HDGFL3: variants seen among roughly 807,000 people sequenced by gnomAD.
The protein encoded by HDGFL3 is hepatoma-derived growth factor-related protein 3.
A neutral mutation model predicts 27.6 loss-of-function variants in HDGFL3; 6 were observed. That is an observed-to-expected ratio of 0.22 (90% CI 0.12 to 0.43). The LOEUF is 0.43. Among genes scored for constraint, HDGFL3 ranks in the 20% least tolerant of loss-of-function variants. The pLI is 1.00. For synonymous variants in HDGFL3, 88 were observed against 88.9 expected (o/e 0.99, Z 0.05); for missense variants, 207 against 250.1 (o/e 0.83, Z 1.16).
At chr15:83,192,903 G>T (rs960182765) in intron 1 of HDGFL3, among the ~76,000 whole-genome samples, 1 of 151,980 alleles carries the variant, frequency 6.6e-6, no homozygotes, top group Non-Finnish European at 1.5e-5. Flanking sequence ...CTCATTTAAG[G>T]ACAGGCCTGG....
intron 5 of HDGFL3, among the ~76,000 whole-genome samples, chr15:83,149,119 T>G (rs1333090658): frequency 1.3e-5 from 2 of 152,186 alleles, no homozygotes; most frequent in African/African-American, 4.8e-5. Flanking sequence ...TTACTAGCTG[T>G]GTGATCCTAG....
chr15:83,124,350 C>T (rs188094378), downstream of HDGFL3, among the ~76,000 whole-genome samples: 7 of 152,064 alleles, frequency 4.6e-5, no homozygotes, highest in South Asian at 4.2e-4. Flanking sequence ...AGTATACCAA[C>T]GGTTAATAGT....
intron 3 of HDGFL3, chr15:83,121,905 G>A (rs190032138): frequency 2.5e-6 from 4 of 1,569,016 alleles, no homozygotes; most frequent in Non-Finnish European, 3.5e-6. Flanking sequence ...AGATTTTTTT[G>A]TTGTTGTTGT....
In HDGFL3 at chr15:83,136,302, TA is replaced by T. The variant is rs1310491076; in HGVS notation, c.*2967del. On this transcript the variant is annotated 3_prime_UTR_variant, in exon 6 of 6. Transcript: ENST00000299633. The stretch of plus-strand genomic sequence containing the variant: ...AATGGCCCTAAATTTAATCAAGGAC[TA>T]AATTTAATGAAAGACTCTGACATTA... 1 of 458,728 alleles carries T rather than the reference TA, an allele frequency of 2.2e-6. No individual in the cohort carries two copies. The highest frequency in any genetic ancestry group is 3.8e-6 in the Non-Finnish European group (1 of 261,238). The allele number at this position is 458,728 out of a possible 1,614,324, so 28.4% of individuals were successfully genotyped here.
At position 83,150,259 on chromosome 15, in the gene HDGFL3, T is replaced by A. The variant is rs28536574; in HGVS notation, c.606+956A>T. ...CCTGACATAAAGGTAGCAGGTCGAATAGAAAGAAAATCAAGTGAGCCAGGT... is the reference window on the plus strand; with the variant it reads ...CCTGACATAAAGGTAGCAGGTCGAAAAGAAAGAAAATCAAGTGAGCCAGGT... On this transcript the variant is annotated intron_variant, in intron 5 of 5. Coordinates refer to ENST00000299633, the MANE Select transcript of HDGFL3 (RefSeq NM_016073.4). Among the ~76,000 whole-genome samples, 1,233 of 152,252 alleles carry A rather than the reference T, an allele frequency of 8.1e-3. 16 individuals are homozygous for A. The highest frequency in any genetic ancestry group is 0.028 in the African/African-American group (1,143 of 41,540).
Position 83,131,594 on chromosome 15 carries a change from C to T in HDGFL3, c.*7676G>A, listed in dbSNP as rs976072760. 1 of 152,524 alleles carries T rather than the reference C, an allele frequency of 6.6e-6. No individual in the cohort carries two copies. The highest frequency in any genetic ancestry group is 1.5e-5 in the Non-Finnish European group (1 of 68,418). The allele number at this position is 152,524 out of a possible 1,614,324, so 9.4% of individuals were successfully genotyped here. ...CTGCAGTGTGCCAAGATCACGCCCA[C>T]TACACTGCAGCCTGGGTGACAGAGC... On this transcript the variant is annotated 3_prime_UTR_variant, in exon 6 of 6. Coordinates refer to ENST00000299633, the MANE Select transcript of HDGFL3 (RefSeq NM_016073.4).
chr15:83,166,936 G>T (rs1003390075), intron 1 of HDGFL3, among the ~76,000 whole-genome samples: 2 of 152,198 alleles, frequency 1.3e-5, no homozygotes. Context: ...AATTTGACAT[G>T]AGACAAATCA....
At chr15:83,159,682 T>A (rs1168264865) in intron 2 of HDGFL3, among the ~76,000 whole-genome samples, 1 of 152,176 alleles carries the variant, frequency 6.6e-6, no homozygotes, top group African/African-American at 2.4e-5. Context: ...GAATAACTCA[T>A]GCAGTTACCT....
intron 5 of HDGFL3, among the ~76,000 whole-genome samples, chr15:83,146,441 T>C (rs1258666812): frequency 6.6e-6 from 1 of 152,202 alleles, no homozygotes; most frequent in Non-Finnish European, 1.5e-5. Context: ...AACCTTTCCA[T>C]GATTCTATTC....
intron 1 of HDGFL3, among the ~76,000 whole-genome samples, chr15:83,198,076 A>C (rs1383715787): frequency 6.6e-6 from 1 of 150,398 alleles, no homozygotes; most frequent in Non-Finnish European, 1.5e-5. Flanking sequence ...AAAAAAAAAG[A>C]AGCCAATTAA....
chr15:83,129,167 A>AT lies in HDGFL3; in HGVS notation c.*10102dup, dbSNP rs1026510336. 188 of 147,416 alleles carry AT rather than the reference A, an allele frequency of 1.3e-3. 1 individual carries two copies. The highest frequency in any genetic ancestry group is 5.8e-3 in the Admixed American group (85 of 14,770). The allele number at this position is 147,416 out of a possible 1,614,324, so 9.1% of individuals were successfully genotyped here. A position where few individuals can be genotyped will look rare whatever the true frequency, so the allele number is the denominator to read the frequency against. On this transcript the variant is annotated 3_prime_UTR_variant, in exon 6 of 6. Coordinates refer to ENST00000299633, the MANE Select transcript of HDGFL3 (RefSeq NM_016073.4). Reference sequence around the variant, plus strand: ...TTTTACTCCAGTGATTCTCCAACCCATTTTTTTTTTCCAGCTCCGCTGCCC... The same window carrying AT: ...TTTTACTCCAGTGATTCTCCAACCCATTTTTTTTTTTCCAGCTCCGCTGCCC...
intron 1 of HDGFL3, among the ~76,000 whole-genome samples, chr15:83,173,887 G>A (rs994937959): frequency 5.3e-5 from 8 of 152,166 alleles, no homozygotes; most frequent in African/African-American, 1.9e-4. Context: ...CCATTCTCTT[G>A]AAGAAGTCTG....
At chr15:83,144,198 T>C (rs974952412) in intron 5 of HDGFL3, among the ~76,000 whole-genome samples, 1 of 152,198 alleles carries the variant, frequency 6.6e-6, no homozygotes, top group African/African-American at 2.4e-5. Context: ...GGTAACCTTG[T>C]GATTTAGCGA....
At chr15:83,181,847 A>C (rs551348617) in intron 1 of HDGFL3, among the ~76,000 whole-genome samples, 2 of 152,244 alleles carry the variant, frequency 1.3e-5, no homozygotes, top group South Asian at 4.1e-4. Context: ...CCTCCTCCAC[A>C]ATCCTCCTTG....
chr15:83,119,814 G>C, intron 3 of HDGFL3: 1 of 1,413,780 alleles, frequency 7.1e-7, no homozygotes, highest in South Asian at 1.4e-5. Flanking sequence ...ATGGGTGCAC[G>C]TCAGACGTGG....
At chr15:83,179,762 T>C (rs1435239669) in intron 1 of HDGFL3, 2 of 152,238 alleles carry the variant, frequency 1.3e-5, no homozygotes, top group Admixed American at 1.3e-4. Flanking sequence ...AGTATATGTT[T>C]GTCTCTTGAC....
At chr15:83,197,538 A>G (rs1330749843) in intron 1 of HDGFL3, among the ~76,000 whole-genome samples, 2 of 152,214 alleles carry the variant, frequency 1.3e-5, no homozygotes, top group Non-Finnish European at 2.9e-5. Flanking sequence ...GAAACATGTT[A>G]ATCGCAAAAA....
At chr15:83,188,015 A>G (rs530669857) in intron 1 of HDGFL3, among the ~76,000 whole-genome samples, 1 of 152,080 alleles carries the variant, frequency 6.6e-6, no homozygotes, top group South Asian at 2.1e-4. Context: ...TTTCCATTTT[A>G]GCAGATATTA....
downstream of HDGFL3, among the ~76,000 whole-genome samples, chr15:83,123,892 T>C (rs1454296761): frequency 3.3e-5 from 5 of 152,228 alleles, no homozygotes; most frequent in South Asian, 2.1e-4. Flanking sequence ...TGTCATACAG[T>C]GCTGACAGAA....
Sources: allele counts gnomAD v4.1 joint callset (sites outside exome capture counted in the v4.1 genomes callset), GRCh38; gene constraint gnomAD v4.1.1; transcripts MANE v1.5; gene names NCBI Gene and HGNC (gene_info 2026-07-23, HGNC 2026-07-21).